Variants in ADAMTS9 observed in about 807,000 individuals in gnomAD.
ADAMTS9 encodes the protein ADAM metallopeptidase with thrombospondin type 1 motif 9.
A neutral mutation model predicts 257.1 loss-of-function variants in ADAMTS9; 107 were observed. The ratio of observed to expected loss-of-function variants is 0.42; its 90% CI spans 0.36 to 0.49. ADAMTS9 has a LOEUF of 0.49. ADAMTS9 is among the 20% of genes least tolerant of loss of function. The pLI is 0.03. For missense variants in ADAMTS9, 2,353 were observed against 2,469.1 expected, an observed-to-expected ratio of 0.95 and a Z score of 1.00; for synonymous variants, 982 against 880.9, an observed-to-expected ratio of 1.11 and a Z score of -2.03.
intron 3 of ADAMTS9, among the ~76,000 whole-genome samples, chr3:64,666,110 CA>C (rs1701349297): frequency 6.6e-6 from 1 of 152,052 alleles, no homozygotes; most frequent in Admixed American, 6.6e-5. Context: ...AACCTCACAG[CA>C]AAAAACTTTA....
chr3:64,641,857 T>C lies in ADAMTS9; in HGVS notation c.1847A>G (p.Asn616Ser), dbSNP rs368380933. The change falls in exon 12 of 40, where the codon AAC (asparagine) becomes AGC (serine). Residue 616 changes from asparagine (N) to serine (S), a missense_variant. By Grantham distance (46) the Asn-to-Ser change is conservative. Around this residue, in one of 3 missense-constraint regions of ADAMTS9, gnomAD observed 360 missense variants for 458.1 expected, o/e 0.79. Coordinates refer to ENST00000498707, the MANE Select transcript of ADAMTS9 (RefSeq NM_182920.2). ...ACATTCTAGGACTTACTCTGGTCTGTTGCACTCTCGAATGGCTGTTTTGAT... is the reference window on the plus strand; with the variant it reads ...ACATTCTAGGACTTACTCTGGTCTGCTGCACTCTCGAATGGCTGTTTTGAT... ...GGIKTAIREC[N>S]RPEPKNGGKY... 23 of 1,614,008 alleles carry C rather than the reference T, an allele frequency of 1.4e-5. No homozygotes were observed. The highest frequency in any genetic ancestry group is 2.7e-5 in the African/African-American group (2 of 74,924).
rs533046395 is a variant in ADAMTS9 at position 64,686,812 on chromosome 3, G to C, written c.272C>G (p.Ser91Cys). Residue 91 changes from serine to cysteine, a missense_variant, in exon 2 of 40, where the codon TCC (serine) becomes TGC (cysteine). Physicochemically the swap from Ser to Cys is moderately radical, Grantham distance 112 (BLOSUM62 -1). Coordinates refer to ENST00000498707, the MANE Select transcript of ADAMTS9 (RefSeq NM_182920.2). This position sits in a 1 kb window ranked among gnomAD's most constrained non-coding sequence, Gnocchi z 4.6. ...DPWPAFASSS[S>C]SSTSSQAHYR... ...ATGCGCCTGGGAGGAGGTAGAGGAG[G>C]AAGAGGAGGAGGCGAAGGCAGGCCA... 1.7e-5 allele frequency: 28 copies of C among 1,614,136 alleles called. No individual in the cohort carries two copies. In the African/African-American group the frequency reaches 3.3e-4, roughly 19 times the overall value.
chr3:64,542,423 T>TTTCC (rs1257864226), intron 32 of ADAMTS9, among the ~76,000 whole-genome samples: 30 of 26,922 alleles, frequency 1.1e-3, no homozygotes, highest in Non-Finnish European at 6.0e-3. Context: ...TTTTCATTTC[T>TTTCC]TTCTTTCTTT....
chr3:64,604,358 A>C lies in ADAMTS9; in HGVS notation c.3475-27T>G, dbSNP rs569218654. 472 of 1,488,452 alleles carry C rather than the reference A, an allele frequency of 3.2e-4. 2 individuals carry two copies. In the African/African-American group the frequency reaches 6.0e-3, roughly 19 times the overall value. The allele number at this position is 1,488,452 out of a possible 1,614,324, so 92.2% of individuals were successfully genotyped here. A position where few individuals can be genotyped will look rare whatever the true frequency, so the allele number is the denominator to read the frequency against. ...TAGACGTGATGGGGGAAAAAAAAAC[A>C]AAGTCACTTTCAAGTCAATGCACTT... On this transcript the variant is annotated intron_variant, in intron 23 of 39. Transcript: ENST00000498707.
At chr3:64,673,650 G>T (rs76748324) in intron 3 of ADAMTS9, among the ~76,000 whole-genome samples, 8,125 of 152,184 alleles carry the variant, frequency 0.053, 300 homozygotes, top group Middle Eastern at 0.11. Context: ...TAGGTACTGT[G>T]TAGGCAATAT....
intron 38 of ADAMTS9, among the ~76,000 whole-genome samples, chr3:64,529,472 G>A (rs1311792873): frequency 6.6e-6 from 1 of 152,136 alleles, no homozygotes; most frequent in Non-Finnish European, 1.5e-5. Flanking sequence ...AGAAAGTGAG[G>A]AATGATTATT....
chr3:64,650,933 C>T (rs112670487), intron 9 of ADAMTS9, 84 bp downstream of exon 9: 2 of 1,237,202 alleles, frequency 1.6e-6, no homozygotes, highest in East Asian at 3.2e-5. Context: ...GAATGTTTGA[C>T]TTCATATTGT....
chr3:64,541,586 T>A lies in ADAMTS9; in HGVS notation c.5232A>T (p.Arg1744Ser), dbSNP rs1336697339. The change falls in exon 34 of 40, where the codon AGA becomes AGT. Residue 1744 changes from arginine to serine, a missense_variant. Transcript: ENST00000498707. The part of the protein sequence containing the change: ...ELPQNCKEVK[R>S]LKGASEDGEY... The stretch of plus-strand genomic sequence containing the variant: ...CACCATCTTCACTGGCACCTTTAAG[T>A]CTTTTTACCTCCTTGCAATTCTGGG... 6.2e-7 allele frequency: 1 copy of A among 1,613,990 alleles called. No individual in the cohort carries two copies. Among genetic ancestry groups the A allele is most frequent in the Non-Finnish European group, 8.5e-7 (1 of 1,180,020 alleles).
chr3:64,578,269 T>C (rs945090709), intron 28 of ADAMTS9, among the ~76,000 whole-genome samples: 2 of 150,978 alleles, frequency 1.3e-5, no homozygotes, highest in Non-Finnish European at 2.9e-5. Flanking sequence ...TCTTGTCTCC[T>C]CTTCCTGCCT....
chr3:64,522,137 C>G (rs914784019), intron 39 of ADAMTS9, 29 bp downstream of exon 39: 11 of 1,593,290 alleles, frequency 6.9e-6, no homozygotes, highest in Non-Finnish European at 9.5e-6. Context: ...AAGACAAATA[C>G]ACAGACAGAC....
intron 11 of ADAMTS9, among the ~76,000 whole-genome samples, chr3:64,642,419 C>T (rs1432921740): frequency 6.7e-6 from 1 of 148,184 alleles, no homozygotes; most frequent in Non-Finnish European, 1.5e-5. Context: ...CTTTATTGCT[C>T]CCAATTTTAA....
chr3:64,606,486 T>G (rs570698285), intron 23 of ADAMTS9, among the ~76,000 whole-genome samples: 63 of 152,330 alleles, frequency 4.1e-4, no homozygotes, highest in African/African-American at 1.5e-3. Context: ...TTTATAAACT[T>G]TGCTTTTAAT....
intron 31 of ADAMTS9, among the ~76,000 whole-genome samples, chr3:64,549,615 G>T (rs532135828): frequency 8.5e-5 from 13 of 152,194 alleles, no homozygotes; most frequent in African/African-American, 2.9e-4. Flanking sequence ...TGCAGGGTTG[G>T]GGTCGAGCAG....
rs756784992 is a variant in ADAMTS9, at chr3:64,553,962, G to GAAAAC, written c.4699-2901_4699-2900insGTTTT. ...CCGAATGTTAAAAAAGAAAAGAAAA[G>GAAAAC]AAAAATTTAATCTGTGATGTGTAGA... On this transcript the variant is annotated intron_variant, in intron 30 of 39. Transcript: ENST00000498707. Among the ~76,000 whole-genome samples, 82 of 152,010 alleles carry GAAAAC rather than the reference G, an allele frequency of 5.4e-4. 1 individual carries two copies. In the Middle Eastern group the frequency reaches 0.01, roughly 19 times the overall value.
intron 9 of ADAMTS9, 117 bp downstream of exon 9, chr3:64,650,900 T>A: frequency 1.1e-6 from 1 of 919,518 alleles, no homozygotes; most frequent in South Asian, 2.0e-5. Flanking sequence ...CTCCAAGGAA[T>A]GTCAACAAAA....
At chr3:64,546,306 C>T (rs1411733262) in intron 32 of ADAMTS9, among the ~76,000 whole-genome samples, 1 of 151,786 alleles carries the variant, frequency 6.6e-6, no homozygotes, top group African/African-American at 2.4e-5. Context: ...ATCTGAGCAT[C>T]TGAAACTCAA....
intron 30 of ADAMTS9, among the ~76,000 whole-genome samples, chr3:64,554,527 T>C (rs1457175865): frequency 6.6e-6 from 1 of 152,098 alleles, no homozygotes; most frequent in African/African-American, 2.4e-5. Context: ...CTACGATTTA[T>C]GACTCTTTCC....
chr3:64,527,876 G>T (rs963312438), intron 38 of ADAMTS9, among the ~76,000 whole-genome samples: 2 of 152,180 alleles, frequency 1.3e-5, no homozygotes, highest in Non-Finnish European at 2.9e-5. Flanking sequence ...GTCGAAACAT[G>T]AGAGTGGGCT....
chr3:64,523,507 CT>C (rs1326531535), intron 38 of ADAMTS9, among the ~76,000 whole-genome samples: 1 of 152,182 alleles, frequency 6.6e-6, no homozygotes, highest in Non-Finnish European at 1.5e-5. Flanking sequence ...GAAGTGGAAT[CT>C]GCTAAGACGT....
Sources: allele counts gnomAD v4.1 joint callset (sites outside exome capture counted in the v4.1 genomes callset), GRCh38; gene constraint gnomAD v4.1.1; regional missense constraint gnomAD v4.1.1; non-coding constraint Gnocchi (gnomAD v3.1); transcripts MANE v1.5; gene names NCBI Gene and HGNC (gene_info 2026-07-23, HGNC 2026-07-21).